Variants in ONECUT1 observed in about 807,000 individuals in gnomAD.
ONECUT1 encodes the protein hepatocyte nuclear factor 6.
ONECUT1 carries 12 observed loss-of-function variants against 25.6 expected under a neutral mutation model. The observed-to-expected ratio is 0.47, with a 90% CI of 0.30 to 0.76. The LOEUF is 0.76. ONECUT1 is among the 30% of genes least tolerant of loss of function. The pLI, the probability that ONECUT1 is intolerant of heterozygous loss-of-function variation, is 0.07. For synonymous variants in ONECUT1, 285 were observed against 270.2 expected (o/e 1.05, Z -0.54); for missense variants, 620 against 651.2 (o/e 0.95, Z 0.52).
At chr15:52,766,914 G>A (rs1035501016) in intron 1 of ONECUT1, among the ~76,000 whole-genome samples, 8 of 152,178 alleles carry the variant, frequency 5.3e-5, no homozygotes, top group African/African-American at 1.7e-4. Context: ...TGATGGACCT[G>A]TCTTCTCCAG....
intron 1 of ONECUT1, among the ~76,000 whole-genome samples, chr15:52,771,059 T>G (rs1439194494): frequency 6.6e-6 from 1 of 152,204 alleles, no homozygotes; most frequent in Non-Finnish European, 1.5e-5. Context: ...GATCTAGTAA[T>G]TAACACTTCT....
chr15:52,789,225 G>A lies in ONECUT1; in HGVS notation c.660C>T (p.Ala220=), dbSNP rs1457912913. 3 of 1,559,292 alleles carry A rather than the reference G, an allele frequency of 1.9e-6. No homozygotes were observed. The highest frequency in any genetic ancestry group is 1.8e-5 in the Admixed American group (1 of 55,748). Residue 220 remains alanine, a synonymous_variant, in exon 1 of 2, where the codon GCC becomes GCT. Transcript: ENST00000305901. The surrounding 1 kb of genome is among the most constrained non-coding windows in gnomAD (Gnocchi z 4.1). ...GGCGGCCGAGCATGGCCGGGTGGTG[G>A]GCTTCGAAGCCGTTGGGGGTGAGCA... is the stretch of plus-strand genomic sequence containing the variant. The part of the protein sequence containing the change: ...DKMLTPNGFE[A]HHPAMLGRHG...
intron 1 of ONECUT1, among the ~76,000 whole-genome samples, chr15:52,774,252 T>A (rs1164633436): frequency 6.6e-6 from 1 of 151,932 alleles, no homozygotes; most frequent in Admixed American, 6.6e-5. Flanking sequence ...GCTCAAAGGA[T>A]GTATATAATA....
In ONECUT1 at chr15:52,777,737, C is replaced by CACACACA. The variant is rs57187579; in HGVS notation, c.1105+11042_1105+11043insTGTGTGT. 2.9e-3 allele frequency among the ~76,000 whole-genome samples: 299 copies of CACACACA among 103,452 alleles called. 13 individuals are homozygous for CACACACA. Among genetic ancestry groups the CACACACA allele is most frequent in the African/African-American group, 0.012 (272 of 22,582 alleles). 67.9% of individuals were successfully genotyped at this position (103,452 alleles called of 152,430 possible). A position where few individuals can be genotyped will look rare whatever the true frequency, so the allele number is the denominator to read the frequency against. Reference sequence around the variant, plus strand: ...ACACACACACACACACACACACACACAAAAAAACATGTAAAGTTATTTGTT... The same window carrying CACACACA: ...ACACACACACACACACACACACACACACACACAAAAAAAACATGTAAAGTTATTTGTT... On this transcript the variant is annotated intron_variant, in intron 1 of 1. Transcript: ENST00000305901.
intron 1 of ONECUT1, among the ~76,000 whole-genome samples, chr15:52,775,452 AACACACACACACACACAC>A (rs139797470): frequency 7.1e-6 from 1 of 140,950 alleles, no homozygotes; most frequent in African/African-American, 2.6e-5. Context: ...TTTAAAGAGG[AACACACACACACACACAC>A]ACACACACAC....
intron 1 of ONECUT1, among the ~76,000 whole-genome samples, chr15:52,765,591 A>T (rs2141449217): frequency 6.6e-6 from 1 of 152,228 alleles, no homozygotes; most frequent in South Asian, 2.1e-4. Flanking sequence ...GGGTAGGGAG[A>T]GACAAATGAA....
chr15:52,781,503 C>A (rs1226602992), intron 1 of ONECUT1, among the ~76,000 whole-genome samples: 5 of 152,206 alleles, frequency 3.3e-5, no homozygotes, highest in Non-Finnish European at 5.9e-5. Flanking sequence ...ACCTGGTGCA[C>A]CTGTCCTGGC....
intron 1 of ONECUT1, among the ~76,000 whole-genome samples, chr15:52,779,441 A>G (rs572195750): frequency 1.3e-5 from 2 of 152,320 alleles, no homozygotes; most frequent in East Asian, 3.9e-4. Context: ...TGAATTTGAT[A>G]ACTTTCATTT....
intron 1 of ONECUT1, among the ~76,000 whole-genome samples, chr15:52,781,430 A>G (rs2083840656): frequency 6.6e-6 from 1 of 152,224 alleles, no homozygotes; most frequent in Admixed American, 6.5e-5. Flanking sequence ...CACTTTCTCT[A>G]ATTTCAAGAG....
At position 52,784,731 on chromosome 15, in the gene ONECUT1, T is replaced by C. The variant is rs926816830; in HGVS notation, c.1105+4049A>G. ...TGACTGTCCGCAGGAGCGAGACCTT[T>C]TTTGGTTTTGCAGTCGGCTAGGTGT... On this transcript the variant is annotated intron_variant, in intron 1 of 1. Transcript: ENST00000305901. This position sits in a 1 kb window ranked among gnomAD's most constrained non-coding sequence, Gnocchi z 5.0. 6.6e-6 allele frequency among the ~76,000 whole-genome samples: 1 copy of C among 152,192 alleles called. No individual in the cohort carries two copies. Among genetic ancestry groups the C allele is most frequent in the Non-Finnish European group, 1.5e-5 (1 of 68,020 alleles).
chr15:52,777,737 C>CAAAAAAAAAAAAAAAAA (rs1555416122), intron 1 of ONECUT1, among the ~76,000 whole-genome samples: 29 of 103,450 alleles, frequency 2.8e-4, no homozygotes, highest in African/African-American at 5.3e-4. Flanking sequence ...CACACACACA[C>CAAAAAAAAAAAAAAAAA]AAAAAAACAT....
chr15:52,781,735 G>C (rs1159739211), intron 1 of ONECUT1, among the ~76,000 whole-genome samples: 1 of 152,246 alleles, frequency 6.6e-6, no homozygotes, highest in African/African-American at 2.4e-5. Flanking sequence ...CAATGCCCAT[G>C]TCACGTCCTG....
At chr15:52,786,103 G>C (rs2083873358) in intron 1 of ONECUT1, 1 of 152,402 alleles carries the variant, frequency 6.6e-6, no homozygotes, top group Non-Finnish European at 1.5e-5. Flanking sequence ...CTGGTAGTGG[G>C]GGGCAGGCAC....
Position 52,789,724 on chromosome 15 carries a change from C to A in ONECUT1, c.161G>T (p.Gly54Val). The A allele has an allele frequency of 1.4e-6, 2 of 1,442,524 alleles. No individual in the cohort carries two copies. Among genetic ancestry groups the A allele is most frequent in the East Asian group, 2.7e-5 (1 of 37,170 alleles). 89.4% of individuals were successfully genotyped at this position (1,442,524 alleles called of 1,614,324 possible). Reference protein sequence around the residue: ...HLPPAHPRSMGMASLLDGGSG... With the variant: ...HLPPAHPRSMVMASLLDGGSG... ...GCCGCCGTCCAGCAGGGACGCCATG[C>A]CCATGGAGCGCGGGTGCGCGGGGGG... The change falls in exon 1 of 2, where the codon GGC (glycine) becomes GTC (valine). Residue 54 changes from glycine (G) to valine (V), a missense_variant. Transcript: ENST00000305901. The surrounding 1 kb of genome is among the most constrained non-coding windows in gnomAD (Gnocchi z 4.1).
chr15:52,779,051 G>A (rs2083822624), intron 1 of ONECUT1, among the ~76,000 whole-genome samples: 1 of 146,082 alleles, frequency 6.8e-6, no homozygotes, highest in South Asian at 2.2e-4. Flanking sequence ...CATTAATAAT[G>A]ACTGTAAATA....
At chr15:52,762,953 G>A (rs191001176) in intron 1 of ONECUT1, among the ~76,000 whole-genome samples, 1 of 152,230 alleles carries the variant, frequency 6.6e-6, no homozygotes, top group African/African-American at 2.4e-5. Flanking sequence ...GGTTATGAGA[G>A]TCGACAGGAA....
At chr15:52,775,125 G>T (rs910491535) in intron 1 of ONECUT1, among the ~76,000 whole-genome samples, 1 of 151,702 alleles carries the variant, frequency 6.6e-6, no homozygotes, top group African/African-American at 2.4e-5. Context: ...AGGAGGCGGA[G>T]GTTGTAGTGA....
chr15:52,756,292 GT>G lies in ONECUT1; in HGVS notation c.*1262del, dbSNP rs539139931. On this transcript the variant is annotated 3_prime_UTR_variant, in exon 2 of 2. Transcript: ENST00000305901. ...AATAGCTCATTTGAATAATAATGTT[GT>G]TTTTTTAAACTTTATTTGTATTTGT... Among the ~76,000 whole-genome samples the G allele has an allele frequency of 2.0e-5, 3 of 152,064 alleles. No individual in the cohort carries two copies. The East Asian group carries it at 5.8e-4, about 29-fold the overall frequency.
In ONECUT1 at chr15:52,757,639, C is replaced by T. The variant is rs1211115529; in HGVS notation, c.1314G>A (p.Arg438=). 2 of 1,614,144 alleles carry T rather than the reference C, an allele frequency of 1.2e-6. No individual in the cohort carries two copies. Among genetic ancestry groups the T allele is most frequent in the Admixed American group, 1.7e-5 (1 of 60,018 alleles). The change falls in exon 2 of 2, where the codon AGG becomes AGA. Residue 438 remains arginine (R), a synonymous_variant. Transcript: ENST00000305901. The stretch of plus-strand genomic sequence containing the variant: ...CGTCCTGCCACTTGTCCAGACTCCT[C>T]CTTCTTGCGTTCATGAAGAAGTTGC... ...TVSNFFMNAR[R]RSLDKWQDEG...
Sources: allele counts gnomAD v4.1 joint callset (sites outside exome capture counted in the v4.1 genomes callset), GRCh38; gene constraint gnomAD v4.1.1; non-coding constraint Gnocchi (gnomAD v3.1); transcripts MANE v1.5; gene names NCBI Gene and HGNC (gene_info 2026-07-23, HGNC 2026-07-21).